The following BMI1 variants were observed in gnomAD, a reference collection of about 807,000 sequenced individuals.
The protein encoded by BMI1 is polycomb complex protein BMI-1.
A neutral mutation model predicts 39.1 loss-of-function variants in BMI1; 9 were observed. That is an observed-to-expected ratio of 0.23 (90% confidence interval 0.14 to 0.40). The LOEUF is 0.40. Among genes scored for constraint, BMI1 ranks in the 10% least tolerant of loss-of-function variants. The probability of loss-of-function intolerance (pLI) is 1.00; values close to 1 mark genes in which losing one functional copy is unlikely to be tolerated. For synonymous variants in BMI1, 131 were observed against 127.9 expected, an observed-to-expected ratio of 1.02 and a Z score of -0.16; for missense variants, 252 against 390.8, an observed-to-expected ratio of 0.64 and a Z score of 2.99.
At chr10:22,325,127 T>A (rs1836102127) in intron 1 of BMI1, among the ~76,000 whole-genome samples, 1 of 152,242 alleles carries the variant, frequency 6.6e-6, no homozygotes, top group Non-Finnish European at 1.5e-5. Flanking sequence ...TCTCCTCTTC[T>A]TGTAAAACAG....
chr10:22,323,691 C>T (rs1405837856), intron 1 of BMI1, among the ~76,000 whole-genome samples: 2 of 152,194 alleles, frequency 1.3e-5, no homozygotes, highest in Admixed American at 6.5e-5. Flanking sequence ...TAGGCCTCCA[C>T]CTAAAAACTG....
chr10:22,327,534 T>A (rs1375863568), intron 3 of BMI1, 61 bp from the exon 4 acceptor site: 2 of 1,474,996 alleles, frequency 1.4e-6, no homozygotes, highest in Non-Finnish European at 1.8e-6. Flanking sequence ...TATAGAAACT[T>A]ATGAACATTT....
chr10:22,326,640 T>C, intron 2 of BMI1, 79 bp downstream of exon 2: 1 of 1,556,164 alleles, frequency 6.4e-7, no homozygotes, highest in African/African-American at 1.4e-5. Flanking sequence ...TGTTAATGAT[T>C]CCTGCAATCT....
chr10:22,328,212 A>G, intron 7 of BMI1, 33 bp downstream of exon 7: 2 of 1,574,748 alleles, frequency 1.3e-6, no homozygotes. Context: ...ATATAGAAGA[A>G]ACATTGTTTG....
intron 1 of BMI1, among the ~76,000 whole-genome samples, chr10:22,322,826 A>G (rs1450619325): frequency 6.6e-6 from 1 of 152,216 alleles, no homozygotes; most frequent in Non-Finnish European, 1.5e-5. Flanking sequence ...ATGTTTACGC[A>G]GTCACTTGGG....
intron 1 of BMI1, chr10:22,325,607 C>A (rs1471750532): frequency 1.4e-5 from 2 of 145,424 alleles, no homozygotes; most frequent in Non-Finnish European, 3.1e-5. Flanking sequence ...GCCCCGCCCC[C>A]GCGGCGCGCC....
chr10:22,328,549 C>A (rs746702289), intron 7 of BMI1, 51 bp from the exon 8 acceptor site: 1 of 1,547,594 alleles, frequency 6.5e-7, no homozygotes. Flanking sequence ...TTGAAACTTT[C>A]TTCATATCTT....
intron 1 of BMI1, among the ~76,000 whole-genome samples, chr10:22,324,791 TGAA>T (rs887042360): frequency 6.6e-6 from 1 of 152,232 alleles, no homozygotes; most frequent in East Asian, 1.9e-4. Context: ...CTGAAATGAA[TGAA>T]GAAGGGGGGT....
rs7919132 is a variant in BMI1 at position 22,329,911 on chromosome 10, C to T, written c.*369C>T. On this transcript the variant is annotated 3_prime_UTR_variant, in exon 10 of 10. Transcript: ENST00000376663. ...ACGCCTACATTACATTCTCCTTGAT[C>T]GTTCTTGTTATTACGCTGTTTTGTG... is the stretch of plus-strand genomic sequence containing the variant. 10 of 185,630 alleles carry T rather than the reference C, an allele frequency of 5.4e-5. No individual in the cohort carries two copies. In the East Asian group the frequency reaches 8.2e-4, roughly 15 times the overall value. The allele number at this position is 185,630 out of a possible 1,614,324, so 11.5% of individuals were successfully genotyped here. A position where few individuals can be genotyped will look rare whatever the true frequency, so the allele number is the denominator to read the frequency against.
At position 22,329,682 on chromosome 10, in the gene BMI1, A is replaced by G; in HGVS notation, c.*140A>G. 1 of 1,010,432 alleles carries G rather than the reference A, an allele frequency of 9.9e-7. No individual in the cohort carries two copies. Among genetic ancestry groups the G allele is most frequent in the Non-Finnish European group, 1.4e-6 (1 of 710,276 alleles). 62.6% of individuals were successfully genotyped at this position (1,010,432 alleles called of 1,614,324 possible). ...TTGTAGTGACATTAAATTTGGCTAT[A>G]AAAGATGGACTACATGTGATACTCC... On this transcript the variant is annotated 3_prime_UTR_variant, in exon 10 of 10. Transcript: ENST00000376663.
chr10:22,329,420 C>A lies in BMI1; in HGVS notation c.859C>A (p.Pro287Thr). 1.2e-6 allele frequency: 2 copies of A among 1,614,196 alleles called. No individual in the cohort carries two copies. The highest frequency in any genetic ancestry group is 1.7e-6 in the Non-Finnish European group (2 of 1,180,024). Reference sequence around the variant, plus strand: ...AGTGCAGTCTCCTCATCCACAGTTTCCTCACATTTCCAGTACTATGAATGG... The same window carrying A: ...AGTGCAGTCTCCTCATCCACAGTTTACTCACATTTCCAGTACTATGAATGG... ...TPVQSPHPQF[P>T]HISSTMNGTS... Residue 287 changes from proline (P) to threonine (T), a missense_variant, in exon 10 of 10, where the codon CCT becomes ACT. Around this residue, in one of 4 missense-constraint regions of BMI1, gnomAD observed 96 missense variants for 120.2 expected, o/e 0.80. Transcript: ENST00000376663.
In BMI1 at chr10:22,329,333, G is replaced by A. The variant is rs1369792740; in HGVS notation, c.772G>A (p.Ala258Thr). ...ELESDSGSDK[A>T]NSPAGGIPST... ...GGAAAGTGACTCTGGGAGTGACAAG[G>A]CCAACAGCCCAGCAGGAGGTATTCC... Residue 258 changes from alanine (A) to threonine (T), a missense_variant, in exon 10 of 10, where the codon GCC (alanine) becomes ACC (threonine). Physicochemically the swap from Ala to Thr is moderately conservative, Grantham distance 58. This residue lies in a region of BMI1 where 96 missense variants were observed against 120.2 expected (regional missense o/e 0.80). Coordinates refer to ENST00000376663, the MANE Select transcript of BMI1 (RefSeq NM_005180.9). 1 of 1,614,018 alleles carries A rather than the reference G, an allele frequency of 6.2e-7. No homozygotes were observed. The highest frequency in any genetic ancestry group is 8.5e-7 in the Non-Finnish European group (1 of 1,180,028).
intron 3 of BMI1, 98 bp from the exon 4 acceptor site, chr10:22,327,497 G>A (rs888939192): frequency 1.6e-6 from 2 of 1,262,686 alleles, no homozygotes; most frequent in African/African-American, 3.0e-5. Context: ...TCACAATCAA[G>A]TAAAATATTA....
chr10:22,328,171 AAGG>A lies in BMI1; in HGVS notation c.470_471+1del, dbSNP rs761258396. 1 of 1,600,148 alleles carries A rather than the reference AAGG, an allele frequency of 6.2e-7. No individual in the cohort carries two copies. The highest frequency in any genetic ancestry group is 1.1e-5 in the South Asian group (1 of 87,562). On this transcript the variant is annotated inframe_deletion, in exon 7 of 10. Transcript: ENST00000376663. Reference sequence around the variant, plus strand: ...AGTAAACAAAGACAAAGAGAAATCTAAGGAGGAGGTATGTTTCATGTTACAAAA... The same window carrying A: ...AGTAAACAAAGACAAAGAGAAATCTAAGGAGGTATGTTTCATGTTACAAAA...
chr10:22,324,020 T>C (rs1386244384), intron 1 of BMI1, among the ~76,000 whole-genome samples: 1 of 152,182 alleles, frequency 6.6e-6, no homozygotes, highest in African/African-American at 2.4e-5. Context: ...GGTAGAGGAA[T>C]TGTGTGAATT....
rs1474521095 is a variant in BMI1, at chr10:22,330,107, A to G, written c.*565A>G. 2 of 152,934 alleles carry G rather than the reference A, an allele frequency of 1.3e-5. No homozygotes were observed. The highest frequency in any genetic ancestry group is 4.8e-5 in the African/African-American group (2 of 41,444). 9.5% of individuals were successfully genotyped at this position (152,934 alleles called of 1,614,324 possible). On this transcript the variant is annotated 3_prime_UTR_variant, in exon 10 of 10. Transcript: ENST00000376663. Reference sequence around the variant, plus strand: ...TCTCTGTTGCTACGCAAAACCGATCAAAGAAAAGTGAACTTCAGTTTTACA... The same window carrying G: ...TCTCTGTTGCTACGCAAAACCGATCGAAGAAAAGTGAACTTCAGTTTTACA...
At chr10:22,329,014 T>A in intron 8 of BMI1, 34 bp from the exon 9 acceptor site, 1 of 1,553,114 alleles carries the variant, frequency 6.4e-7, no homozygotes, top group Non-Finnish European at 8.7e-7. Context: ...TTACCTTTGT[T>A]CTTTTATTAC....
intron 5 of BMI1, 21 bp from the exon 6 acceptor site, chr10:22,327,929 C>T (rs1836196218): frequency 6.3e-7 from 1 of 1,585,018 alleles, no homozygotes; most frequent in South Asian, 1.2e-5. Context: ...TTAAAAATTA[C>T]ATTTCACTAT....
At chr10:22,324,406 C>G (rs187484914) in intron 1 of BMI1, among the ~76,000 whole-genome samples, 2 of 152,338 alleles carry the variant, frequency 1.3e-5, no homozygotes, top group East Asian at 3.8e-4. Flanking sequence ...AGGGTCATTG[C>G]TCTACCTACA....
Sources: gnomAD v4.1 joint callset for allele counts (sites outside exome capture counted in the v4.1 genomes callset) on GRCh38, gnomAD v4.1.1 for gene constraint, gnomAD v4.1.1 regional missense constraint, MANE v1.5 for transcripts, NCBI Gene and HGNC (gene_info 2026-07-23, HGNC 2026-07-21) for gene names.